SHC4: variants seen among roughly 807,000 people sequenced by gnomAD.
The protein encoded by SHC4 is SHC-transforming protein 4.
SHC4 carries 41 observed loss-of-function variants against 69.4 expected under a neutral mutation model. The observed-to-expected ratio is 0.59, with a 90% confidence interval of 0.46 to 0.77. The LOEUF (loss-of-function observed/expected upper bound fraction) is 0.77, where lower values mean the gene tolerates loss of function less well. SHC4 is among the 30% of genes least tolerant of loss of function. The pLI, the probability that SHC4 is intolerant of heterozygous loss-of-function variation, is 0.00. For missense variants in SHC4, 777 were observed against 783.8 expected, an observed-to-expected ratio of 0.99 and a Z score of 0.10; for synonymous variants, 318 against 299.3, an observed-to-expected ratio of 1.06 and a Z score of -0.64.
intron 1 of SHC4, among the ~76,000 whole-genome samples, chr15:48,961,406 C>A (rs1901544081): frequency 6.6e-6 from 1 of 152,094 alleles, no homozygotes; most frequent in Admixed American, 6.5e-5. Flanking sequence ...ACAAGCCACC[C>A]CCTCCCTCAG....
intron 1 of SHC4, among the ~76,000 whole-genome samples, chr15:48,925,453 T>C (rs1900836611): frequency 6.6e-6 from 1 of 152,236 alleles, no homozygotes; most frequent in African/African-American, 2.4e-5. Flanking sequence ...AAATGTGAGA[T>C]AGAGAATACA....
intron 1 of SHC4, among the ~76,000 whole-genome samples, chr15:48,958,344 A>G (rs1901487738): frequency 6.6e-6 from 1 of 152,162 alleles, no homozygotes; most frequent in South Asian, 2.1e-4. Flanking sequence ...AAGTGGAGGA[A>G]CATTGGAGTG....
At chr15:48,856,654 G>T (rs935805305) in intron 7 of SHC4, among the ~76,000 whole-genome samples, 1 of 150,966 alleles carries the variant, frequency 6.6e-6, no homozygotes, top group Non-Finnish European at 1.5e-5. Flanking sequence ...AGAAATATTA[G>T]AACCATATGT....
chr15:48,839,851 C>G (rs1862871363), intron 10 of SHC4, among the ~76,000 whole-genome samples: 2 of 152,176 alleles, frequency 1.3e-5, no homozygotes, highest in Non-Finnish European at 2.9e-5. Context: ...GTGGCAGAGA[C>G]AGTCATCTAC....
intron 2 of SHC4, among the ~76,000 whole-genome samples, chr15:48,893,409 A>G (rs890672745): frequency 2.6e-5 from 4 of 152,216 alleles, no homozygotes; most frequent in African/African-American, 9.6e-5. Flanking sequence ...CTCTTTTGCA[A>G]GTACTCAACT....
At chr15:48,839,634 C>G (rs1898957426) in intron 10 of SHC4, among the ~76,000 whole-genome samples, 1 of 152,168 alleles carries the variant, frequency 6.6e-6, no homozygotes, top group Non-Finnish European at 1.5e-5. Context: ...CTGTTGCATT[C>G]CTCCCTTTTG....
chr15:48,918,780 G>A (rs1291535235), intron 2 of SHC4, among the ~76,000 whole-genome samples: 1 of 152,128 alleles, frequency 6.6e-6, no homozygotes, highest in Admixed American at 6.5e-5. Flanking sequence ...GGAAGTCAGA[G>A]GTGAATTCTG....
chr15:48,917,160 G>A (rs1021969819), intron 2 of SHC4, among the ~76,000 whole-genome samples: 1 of 151,830 alleles, frequency 6.6e-6, no homozygotes, highest in African/African-American at 2.4e-5. Context: ...AGAGGAGAAG[G>A]AAGATTTTTT....
At chr15:48,938,802 C>T (rs1002062419) in intron 1 of SHC4, among the ~76,000 whole-genome samples, 1 of 152,118 alleles carries the variant, frequency 6.6e-6, no homozygotes, top group African/African-American at 2.4e-5. Context: ...AATGACCTGC[C>T]CTATCCTGAC....
At chr15:48,904,156 C>G (rs1297740078) in intron 2 of SHC4, among the ~76,000 whole-genome samples, 1 of 152,190 alleles carries the variant, frequency 6.6e-6, no homozygotes, top group East Asian at 1.9e-4. Flanking sequence ...GCTTTCAGCA[C>G]TTCCCCAAGA....
chr15:48,873,020 T>C (rs74773702), intron 4 of SHC4, among the ~76,000 whole-genome samples: 14,317 of 152,192 alleles, frequency 0.094, 932 homozygotes, highest in Non-Finnish European at 0.14. Flanking sequence ...TCCAACACAA[T>C]TGTGTAAATA....
At chr15:48,836,035 A>C (rs1265721582) in intron 10 of SHC4, among the ~76,000 whole-genome samples, 1 of 149,940 alleles carries the variant, frequency 6.7e-6, no homozygotes, top group South Asian at 2.1e-4. Flanking sequence ...AAAAAAAAAA[A>C]AAAAAAAAAA....
intron 11 of SHC4, among the ~76,000 whole-genome samples, chr15:48,830,738 C>T (rs1467649523): frequency 6.6e-6 from 1 of 152,178 alleles, no homozygotes; most frequent in East Asian, 1.9e-4. Flanking sequence ...GAAAAGAATG[C>T]TCATGTTGCA....
chr15:48,896,609 C>A (rs538378079), intron 2 of SHC4, among the ~76,000 whole-genome samples: 2 of 152,216 alleles, frequency 1.3e-5, no homozygotes, highest in East Asian at 3.9e-4. Flanking sequence ...CATGAGCCAC[C>A]GCGCCCAGCC....
chr15:48,962,674 C>T lies in SHC4; in HGVS notation c.342G>A (p.Val114=), dbSNP rs1362539454. Residue 114 remains valine, a synonymous_variant, in exon 1 of 12, where the codon GTG becomes GTA. Coordinates refer to ENST00000332408, the MANE Select transcript of SHC4 (RefSeq NM_203349.4). The part of the protein sequence containing the change: ...LKNFCLGTKE[V]PRLKLQESRD... ...GGCTTTCCTGGAGCTTCAGCCGAGG[C>T]ACCTCTTTGGTACCCAGGCAAAAGT... 1.9e-6 allele frequency: 3 copies of T among 1,614,100 alleles called. No homozygotes were observed.
intron 1 of SHC4, among the ~76,000 whole-genome samples, chr15:48,961,113 T>G (rs1901538819): frequency 6.6e-6 from 1 of 152,218 alleles, no homozygotes; most frequent in Admixed American, 6.5e-5. Flanking sequence ...CCTTAATCAG[T>G]GTTCTCATTG....
intron 2 of SHC4, among the ~76,000 whole-genome samples, chr15:48,910,666 T>C (rs900445992): frequency 6.6e-6 from 1 of 152,170 alleles, no homozygotes; most frequent in Non-Finnish European, 1.5e-5. Context: ...GATTGTCTGT[T>C]TGTGCTCTTT....
At position 48,934,878 on chromosome 15, in the gene SHC4, T is replaced by G. The variant is rs534334547; in HGVS notation, c.586-9929A>C. Reference sequence around the variant, plus strand: ...CTGATTTTATTTTATTTATGTGAAATGTCCAGAATAGACAAATTTGTAGAG... The same window carrying G: ...CTGATTTTATTTTATTTATGTGAAAGGTCCAGAATAGACAAATTTGTAGAG... On this transcript the variant is annotated intron_variant, in intron 1 of 11. Transcript: ENST00000332408. 4.8e-4 allele frequency among the ~76,000 whole-genome samples: 73 copies of G among 152,306 alleles called. 1 individual carries two copies. Among genetic ancestry groups the G allele is most frequent in the African/African-American group, 1.7e-3 (69 of 41,578 alleles).
At chr15:48,956,970 C>CTTTTTTTT (rs1234585427) in intron 1 of SHC4, among the ~76,000 whole-genome samples, 14 of 70,158 alleles carry the variant, frequency 2.0e-4, no homozygotes, top group African/African-American at 3.2e-4. Flanking sequence ...TTCTTTCTTT[C>CTTTTTTTT]TTTCTTTTTT....
Sources: allele counts gnomAD v4.1 joint callset (sites outside exome capture counted in the v4.1 genomes callset), GRCh38; gene constraint gnomAD v4.1.1; transcripts MANE v1.5; gene names NCBI Gene and HGNC (gene_info 2026-07-23, HGNC 2026-07-21).